The following DAGLA variants were observed in gnomAD, a reference collection of about 807,000 sequenced individuals.
The protein encoded by DAGLA is diacylglycerol lipase alpha, also known as diacylglycerol lipase-alpha.
Under a neutral mutation model 102.6 loss-of-function variants are expected in DAGLA, and 22 were observed. That is an observed-to-expected ratio of 0.21 (90% confidence interval 0.15 to 0.31). DAGLA has a LOEUF of 0.31. Ranked by LOEUF, DAGLA falls within the 10% of genes least tolerant of loss-of-function variation. The probability of loss-of-function intolerance (pLI) is 1.00; values close to 1 mark genes in which losing one functional copy is unlikely to be tolerated. For synonymous variants in DAGLA, 578 were observed against 628.9 expected (o/e 0.92, Z 1.21); for missense variants, 927 against 1,446.6 (o/e 0.64, Z 5.83).
chr11:61,743,705 G>A lies in DAGLA; in HGVS notation c.2345G>A (p.Ser782Asn). Reference sequence around the variant, plus strand: ...CGGGCACCACTGGCCACCATGGAGAGCCTCTCGGACACTGAGTCCCTGTAC... The same window carrying A: ...CGGGCACCACTGGCCACCATGGAGAACCTCTCGGACACTGAGTCCCTGTAC... ...ARRAPLATME[S>N]LSDTESLYSF... The change falls in exon 20 of 20, where the codon AGC (serine) becomes AAC (asparagine). Residue 782 changes from serine to asparagine, a missense_variant. Transcript: ENST00000257215. 1 of 1,606,318 alleles carries A rather than the reference G, an allele frequency of 6.2e-7. No homozygotes were observed. The highest frequency in any genetic ancestry group is 8.5e-7 in the Non-Finnish European group (1 of 1,177,610).
intron 1 of DAGLA, among the ~76,000 whole-genome samples, chr11:61,706,564 C>T (rs961273964): frequency 2.0e-5 from 3 of 152,090 alleles, no homozygotes; most frequent in Non-Finnish European, 4.4e-5. Flanking sequence ...CTAAAACAGG[C>T]GGGGGGTGCA....
intron 1 of DAGLA, among the ~76,000 whole-genome samples, chr11:61,701,076 T>G (rs1238333547): frequency 6.6e-6 from 1 of 152,362 alleles, no homozygotes; most frequent in East Asian, 1.9e-4. Context: ...AGGTTGTGAC[T>G]TGCCCACACC....
At chr11:61,694,172 G>T (rs1439718739) in intron 1 of DAGLA, among the ~76,000 whole-genome samples, 1 of 152,248 alleles carries the variant, frequency 6.6e-6, no homozygotes, top group Admixed American at 6.5e-5. Flanking sequence ...AGGATTCGGG[G>T]AATCAGGGAG....
chr11:61,721,467 A>G (rs1454763953), intron 3 of DAGLA, among the ~76,000 whole-genome samples: 1 of 152,224 alleles, frequency 6.6e-6, no homozygotes, highest in Non-Finnish European at 1.5e-5. Flanking sequence ...CTTTGCCCCT[A>G]CAGCAGCCGA....
Position 61,722,918 on chromosome 11 carries a change from T to C in DAGLA, c.367T>C (p.Tyr123His), listed in dbSNP as rs755120485. The C allele has an allele frequency of 6.2e-7, 1 of 1,614,116 alleles. No homozygotes were observed. Among genetic ancestry groups the C allele is most frequent in the South Asian group, 1.1e-5 (1 of 91,080 alleles). ...IVGIVWLTQY[Y>H]TSCNDLTAKN... ...GGGCATCGTCTGGCTCACTCAGTAC[T>C]ACACCTCCTGCAACGACCTCACTGC... The change falls in exon 4 of 20, where the codon TAC becomes CAC. Residue 123 changes from tyrosine (Y) to histidine (H), a missense_variant. Transcript: ENST00000257215.
intron 8 of DAGLA, among the ~76,000 whole-genome samples, chr11:61,729,516 T>C (rs1162396121): frequency 2.7e-5 from 4 of 149,124 alleles, no homozygotes; most frequent in Non-Finnish European, 4.5e-5. Context: ...CAGCCCAGGC[T>C]GAAACCACAG....
intron 1 of DAGLA, among the ~76,000 whole-genome samples, chr11:61,706,522 C>T (rs1215997892): frequency 6.6e-6 from 1 of 152,168 alleles, no homozygotes; most frequent in African/African-American, 2.4e-5. Context: ...TGGGCTCTAA[C>T]CTGTGAGGAT....
At chr11:61,689,087 C>T (rs1461832994) in intron 1 of DAGLA, among the ~76,000 whole-genome samples, 4 of 152,278 alleles carry the variant, frequency 2.6e-5, no homozygotes, top group African/African-American at 2.4e-5. Context: ...CCCAAGTTTC[C>T]GCCTTCTGCG....
chr11:61,727,914 G>A (rs1412085074), intron 6 of DAGLA, among the ~76,000 whole-genome samples: 3 of 152,212 alleles, frequency 2.0e-5, no homozygotes, highest in Non-Finnish European at 4.4e-5. Context: ...ATTCCAAGGA[G>A]AGGAGAGGGC....
chr11:61,703,782 A>T (rs537117504), intron 1 of DAGLA, among the ~76,000 whole-genome samples: 1 of 152,282 alleles, frequency 6.6e-6, no homozygotes, highest in Admixed American at 6.5e-5. Flanking sequence ...CATAGGCAAC[A>T]CTCCTGTAAC....
intron 18 of DAGLA, 112 bp from the exon 19 acceptor site, chr11:61,741,050 A>G (rs198440): frequency 0.31 from 315,937 of 1,028,732 alleles, 50,316 homozygotes; most frequent in East Asian, 0.45. Flanking sequence ...GACCCAAGTG[A>G]CTCCATGAGG....
chr11:61,723,146 GGCTGCAGCAGGCACAGA>G (rs1326369073), intron 4 of DAGLA, among the ~76,000 whole-genome samples, 186 bp downstream of exon 4: 1 of 152,172 alleles, frequency 6.6e-6, no homozygotes, highest in Non-Finnish European at 1.5e-5. Flanking sequence ...GTCTGGGGTG[GGCTGCAGCAGGCACAGA>G]GCTGCTCAGG....
At chr11:61,706,778 C>G (rs1185567651) in intron 1 of DAGLA, among the ~76,000 whole-genome samples, 1 of 152,162 alleles carries the variant, frequency 6.6e-6, no homozygotes, top group African/African-American at 2.4e-5. Flanking sequence ...ACTGGGCCTG[C>G]TGAGGAAGCA....
chr11:61,708,490 C>T (rs958830861), intron 1 of DAGLA, among the ~76,000 whole-genome samples: 2 of 152,118 alleles, frequency 1.3e-5, no homozygotes, highest in Admixed American at 1.3e-4. Flanking sequence ...ACACCATTCT[C>T]CTGCCTCAGC....
chr11:61,734,256 C>T lies in DAGLA; in HGVS notation c.975-593C>T, dbSNP rs1384122181. On this transcript the variant is annotated intron_variant, in intron 9 of 19. Transcript: ENST00000257215. This position sits in a 1 kb window ranked among gnomAD's most constrained non-coding sequence, Gnocchi z 4.2. ...ACGTGTACTGACCGAGTGGCATGGCCGTGGGGGTGAGGGCTGAGGAGCCAC... is the reference window on the plus strand; with the variant it reads ...ACGTGTACTGACCGAGTGGCATGGCTGTGGGGGTGAGGGCTGAGGAGCCAC... Among the ~76,000 whole-genome samples the T allele has an allele frequency of 1.5e-4, 21 of 142,170 alleles. 1 individual carries two copies. The highest frequency in any genetic ancestry group is 2.2e-4 in the Non-Finnish European group (14 of 64,422). 93.3% of individuals were successfully genotyped at this position (142,170 alleles called of 152,430 possible). A position where few individuals can be genotyped will look rare whatever the true frequency, so the allele number is the denominator to read the frequency against.
intron 1 of DAGLA, among the ~76,000 whole-genome samples, chr11:61,696,599 TG>T (rs1565248052): frequency 5.1e-4 from 4 of 7,798 alleles, no homozygotes; most frequent in Non-Finnish European, 7.6e-4. Flanking sequence ...GGGTTGGGGG[TG>T]GGGTGGGGTG....
intron 1 of DAGLA, among the ~76,000 whole-genome samples, chr11:61,715,461 TC>T (rs1347115617): frequency 1.3e-5 from 2 of 151,880 alleles, no homozygotes; most frequent in Non-Finnish European, 2.9e-5. Flanking sequence ...AGTACCTTCT[TC>T]CCCCCCATCC....
chr11:61,731,855 C>G (rs1222331402), intron 9 of DAGLA, among the ~76,000 whole-genome samples: 1 of 152,218 alleles, frequency 6.6e-6, no homozygotes, highest in Non-Finnish European at 1.5e-5. Flanking sequence ...CCCACATCTT[C>G]CCTTCTCTCG....
chr11:61,737,434 G>A (rs2065432742), intron 14 of DAGLA, 110 bp downstream of exon 14: 4 of 1,498,600 alleles, frequency 2.7e-6, no homozygotes, highest in Non-Finnish European at 3.6e-6. Context: ...GTCACATGGA[G>A]GTCTGGGAGT....
Sources: allele counts gnomAD v4.1 joint callset (sites outside exome capture counted in the v4.1 genomes callset), GRCh38; gene constraint gnomAD v4.1.1; non-coding constraint Gnocchi (gnomAD v3.1); transcripts MANE v1.5; gene names NCBI Gene and HGNC (gene_info 2026-07-23, HGNC 2026-07-21).